Variants in PCDH9 observed in about 807,000 individuals in gnomAD.
The protein encoded by PCDH9 is protocadherin-9.
PCDH9 carries 24 observed loss-of-function variants against 70.6 expected under a neutral mutation model. That is an observed-to-expected ratio of 0.34 (90% CI 0.25 to 0.48). The LOEUF (loss-of-function observed/expected upper bound fraction) is 0.48, where lower values mean the gene tolerates loss of function less well. Among genes scored for constraint, PCDH9 ranks in the 20% least tolerant of loss-of-function variants. PCDH9 has a pLI of 0.99. For synonymous variants in PCDH9, 562 were observed against 558.5 expected (o/e 1.01, Z -0.09); for missense variants, 1,281 against 1,503.6 (o/e 0.85, Z 2.45).
chr13:66,487,588 GTAATATTATATGTCCA>G (rs939645835), intron 4 of PCDH9, among the ~76,000 whole-genome samples: 2 of 152,000 alleles, frequency 1.3e-5, no homozygotes, highest in African/African-American at 4.8e-5. Context: ...TAATATGGAC[GTAATATTATATGTCCA>G]TAATATTATA....
intron 3 of PCDH9, among the ~76,000 whole-genome samples, chr13:66,710,839 C>T (rs964397262): frequency 9.2e-5 from 14 of 152,000 alleles, no homozygotes; most frequent in African/African-American, 2.9e-4. Context: ...CCAGCAAGGT[C>T]GCATCTCTTA....
chr13:67,228,311 G>A lies in PCDH9; in HGVS notation c.130C>T (p.Pro44Ser), dbSNP rs371298560. The change falls in exon 2 of 5, where the codon CCA (proline) becomes TCA (serine). Residue 44 changes from proline (P) to serine (S), a missense_variant. Pro to Ser is a moderately conservative substitution (Grantham distance 74). Transcript: ENST00000377865. Reference protein sequence around the residue: ...LPENVPIGNIPKDLNISHINA... With the variant: ...LPENVPIGNISKDLNISHINA... ...ATGTGAGAAATGTTCAGATCCTTTG[G>A]TATGTTTCCTATGGGCACATTTTCA... is the stretch of plus-strand genomic sequence containing the variant. 55 of 1,614,034 alleles carry A rather than the reference G, an allele frequency of 3.4e-5. No individual in the cohort carries two copies. Among genetic ancestry groups the A allele is most frequent in the Non-Finnish European group, 7.6e-6 (9 of 1,180,026 alleles).
chr13:66,919,948 A>T (rs2082613199), intron 2 of PCDH9, among the ~76,000 whole-genome samples: 1 of 151,084 alleles, frequency 6.6e-6, no homozygotes, highest in African/African-American at 2.4e-5. Flanking sequence ...ATAGAAGATT[A>T]GGGTAATGTT....
intron 2 of PCDH9, among the ~76,000 whole-genome samples, chr13:67,111,290 T>C (rs527452067): frequency 2.6e-5 from 4 of 152,318 alleles, no homozygotes; most frequent in African/African-American, 9.6e-5. Context: ...TAATATATAG[T>C]CGTTATCATT....
chr13:66,577,334 C>T (rs1217747461), intron 4 of PCDH9, among the ~76,000 whole-genome samples: 2 of 151,822 alleles, frequency 1.3e-5, no homozygotes, highest in Non-Finnish European at 2.9e-5. Context: ...AAACTCTATC[C>T]TGGACTTCAG....
chr13:66,405,872 T>C (rs886399668), intron 4 of PCDH9, among the ~76,000 whole-genome samples: 1 of 152,002 alleles, frequency 6.6e-6, no homozygotes, highest in African/African-American at 2.4e-5. Context: ...TAGTGCCCCC[T>C]TTTACTCCTC....
rs926002931 is a variant in PCDH9, at chr13:67,144,218, G to T, written c.3036+81187C>A. ...GATTTTAATTTGCTTTAATGATGGCGGGCTTATTTGCCAGGGAATAATTTA... is the reference window on the plus strand; with the variant it reads ...GATTTTAATTTGCTTTAATGATGGCTGGCTTATTTGCCAGGGAATAATTTA... On this transcript the variant is annotated intron_variant, in intron 2 of 4. Transcript: ENST00000377865. Among the ~76,000 whole-genome samples, 3 of 152,050 alleles carry T rather than the reference G, an allele frequency of 2.0e-5. No individual in the cohort carries two copies. The South Asian group carries it at 6.2e-4, about 32-fold the overall frequency.
rs531313894 is a variant in PCDH9, at chr13:66,704,785, G to A, written c.3139-73374C>T. 6.6e-5 allele frequency among the ~76,000 whole-genome samples: 10 copies of A among 152,084 alleles called. No individual in the cohort carries two copies. The East Asian group carries it at 1.7e-3, about 26-fold the overall frequency. ...GAAACAATTCTCTAGATGCTGATTTGGAAAATGCAAGTGGTGTAAGGCACT... is the reference window on the plus strand; with the variant it reads ...GAAACAATTCTCTAGATGCTGATTTAGAAAATGCAAGTGGTGTAAGGCACT... On this transcript the variant is annotated intron_variant, in intron 3 of 4. Transcript: ENST00000377865.
At chr13:66,815,710 G>A (rs1413538743) in intron 3 of PCDH9, among the ~76,000 whole-genome samples, 1 of 152,054 alleles carries the variant, frequency 6.6e-6, no homozygotes, top group Non-Finnish European at 1.5e-5. Context: ...AGCTAAACAT[G>A]GACTACATAT....
chr13:66,926,130 C>A (rs558059996), intron 2 of PCDH9, among the ~76,000 whole-genome samples: 1 of 152,026 alleles, frequency 6.6e-6, no homozygotes, highest in African/African-American at 2.4e-5. Flanking sequence ...TGTTCCCTTT[C>A]ATAACTACTA....
At chr13:66,956,558 C>A (rs2083268242) in intron 2 of PCDH9, among the ~76,000 whole-genome samples, 3 of 152,044 alleles carry the variant, frequency 2.0e-5, no homozygotes, top group South Asian at 2.1e-4. Flanking sequence ...TTGAGACCAG[C>A]CTGGCAACAT....
chr13:66,443,877 T>C (rs1399598994), intron 4 of PCDH9, among the ~76,000 whole-genome samples: 1 of 152,184 alleles, frequency 6.6e-6, no homozygotes, highest in Admixed American at 6.6e-5. Context: ...TTCAATATTA[T>C]TATCTGATTT....
At chr13:66,455,590 A>T (rs941202335) in intron 4 of PCDH9, among the ~76,000 whole-genome samples, 2 of 152,144 alleles carry the variant, frequency 1.3e-5, no homozygotes, top group Non-Finnish European at 2.9e-5. Flanking sequence ...TTGGATAATC[A>T]TTCCAAACTG....
intron 2 of PCDH9, among the ~76,000 whole-genome samples, chr13:67,150,128 G>C (rs1566456703): frequency 6.6e-6 from 1 of 152,132 alleles, no homozygotes; most frequent in East Asian, 1.9e-4. Context: ...CTGCCTCCCA[G>C]GTTCAAGTGA....
chr13:66,652,878 G>T (rs2077872638), intron 3 of PCDH9, among the ~76,000 whole-genome samples: 4 of 152,018 alleles, frequency 2.6e-5, no homozygotes, highest in Admixed American at 2.6e-4. Context: ...AAGGTATCAA[G>T]AACATACATT....
intron 4 of PCDH9, among the ~76,000 whole-genome samples, chr13:66,364,960 T>G (rs2138202043): frequency 6.6e-6 from 1 of 152,270 alleles, no homozygotes; most frequent in Admixed American, 6.5e-5. Flanking sequence ...TCTTACAAGC[T>G]CTTCCATTCC....
chr13:66,561,326 G>A (rs1962019668), intron 4 of PCDH9, among the ~76,000 whole-genome samples: 1 of 152,172 alleles, frequency 6.6e-6, no homozygotes, highest in African/African-American at 2.4e-5. Context: ...GGGCTCCTGT[G>A]CCGCCCGAGC....
At chr13:66,764,185 A>C (rs964132063) in intron 3 of PCDH9, among the ~76,000 whole-genome samples, 8 of 151,834 alleles carry the variant, frequency 5.3e-5, no homozygotes, top group Admixed American at 3.3e-4. Context: ...TATGGACAAG[A>C]TTTATATATT....
chr13:66,610,009 G>A (rs1200495623), intron 4 of PCDH9, among the ~76,000 whole-genome samples: 2 of 145,400 alleles, frequency 1.4e-5, no homozygotes, highest in African/African-American at 2.6e-5. Flanking sequence ...CCAGGCTGGA[G>A]TGCAGTGGCG....
Sources: gnomAD v4.1 joint callset for allele counts (sites outside exome capture counted in the v4.1 genomes callset) on GRCh38, gnomAD v4.1.1 for gene constraint, MANE v1.5 for transcripts, NCBI Gene and HGNC (gene_info 2026-07-23, HGNC 2026-07-21) for gene names.